PCNX2: variants seen among roughly 807,000 people sequenced by gnomAD.
PCNX2 encodes pecanex 2.
PCNX2 carries 168 observed loss-of-function variants against 223.8 expected under a neutral mutation model. That is an observed-to-expected ratio of 0.75 (90% confidence interval 0.66 to 0.85). The LOEUF (loss-of-function observed/expected upper bound fraction) is 0.85. Among genes scored for constraint, PCNX2 ranks in the 40% least tolerant of loss-of-function variants. The pLI is 0.00. For synonymous variants in PCNX2, 1,006 were observed against 1,052.6 expected (o/e 0.96, Z 0.86); for missense variants, 2,507 against 2,675.5 (o/e 0.94, Z 1.39).
intron 16 of PCNX2, 144 bp downstream of exon 16, chr1:233,178,922 T>C (rs1679638328): frequency 1.6e-6 from 1 of 609,988 alleles, no homozygotes; most frequent in Admixed American, 2.7e-5. Flanking sequence ...TTCCCTCCTC[T>C]AGTGAGTGAC....
intron 23 of PCNX2, among the ~76,000 whole-genome samples, chr1:233,079,969 T>TTC (rs1240590352): frequency 6.6e-6 from 1 of 152,168 alleles, no homozygotes; most frequent in Non-Finnish European, 1.5e-5. Context: ...CACCTTTTCT[T>TTC]TCTCTGGCTT....
In PCNX2 at chr1:233,295,434, G is replaced by T. The variant is rs1291145317; in HGVS notation, c.45C>A (p.Ala15=). 1.2e-5 allele frequency: 19 copies of T among 1,551,478 alleles called. No homozygotes were observed. The highest frequency in any genetic ancestry group is 2.0e-5 in the Admixed American group (1 of 51,020). Residue 15 remains alanine, a synonymous_variant, in exon 1 of 34, where the codon GCC becomes GCA. Coordinates refer to ENST00000258229, the MANE Select transcript of PCNX2 (RefSeq NM_014801.4). This position sits in a 1 kb window ranked among gnomAD's most constrained non-coding sequence, Gnocchi z 4.1. ...CGTGGTACCAGCCCCCGGTGAGCGC[G>T]GCCCACACGCCCTGCCGGAGCAGCT... ...VLQLLRQGVW[A]ALTGGWYHDP... is the part of the protein sequence containing the mutation.
chr1:233,041,212 A>G (rs1671633336), intron 25 of PCNX2, among the ~76,000 whole-genome samples: 1 of 152,220 alleles, frequency 6.6e-6, no homozygotes, highest in African/African-American at 2.4e-5. Context: ...GAGAAAAACC[A>G]CACAGTAATT....
intron 25 of PCNX2, among the ~76,000 whole-genome samples, chr1:233,051,005 T>A (rs890848500): frequency 4.0e-5 from 6 of 151,578 alleles, no homozygotes; most frequent in Non-Finnish European, 8.8e-5. Flanking sequence ...CATTAAAAAA[T>A]GGGTAAAAGA....
intron 19 of PCNX2, among the ~76,000 whole-genome samples, chr1:233,152,111 A>G (rs1487065775): frequency 6.6e-6 from 1 of 152,166 alleles, no homozygotes; most frequent in African/African-American, 2.4e-5. Context: ...CCAGAGTATG[A>G]GAGTGCCTGG....
At chr1:233,054,202 A>C (rs1672107803) in intron 25 of PCNX2, 66 bp downstream of exon 25, 4 of 1,444,816 alleles carry the variant, frequency 2.8e-6, no homozygotes, top group Middle Eastern at 1.8e-4. Flanking sequence ...TTCTTCCTAA[A>C]GTTTTGCTTG....
chr1:233,237,111 A>C, intron 8 of PCNX2, 131 bp from the exon 9 acceptor site: 1 of 1,165,134 alleles, frequency 8.6e-7, no homozygotes, highest in Non-Finnish European at 1.2e-6. Context: ...CCTTACATAA[A>C]CAGTTAAGAG....
chr1:233,184,932 T>C (rs925235626), intron 15 of PCNX2, among the ~76,000 whole-genome samples: 1 of 151,908 alleles, frequency 6.6e-6, no homozygotes, highest in Non-Finnish European at 1.5e-5. Context: ...CACACAACTC[T>C]TTCTCAGAAA....
intron 9 of PCNX2, among the ~76,000 whole-genome samples, chr1:233,229,816 C>G (rs1482264762): frequency 6.6e-6 from 1 of 151,512 alleles, no homozygotes; most frequent in African/African-American, 2.4e-5. Flanking sequence ...AAAAAACCTC[C>G]TCAAAAATTA....
At chr1:233,250,555 T>C (rs551133200) in intron 8 of PCNX2, 184 bp downstream of exon 8, 1 of 984,888 alleles carries the variant, frequency 1.0e-6, no homozygotes, top group South Asian at 4.7e-5. Context: ...ATGAAAATGG[T>C]TTCATTTATT....
chr1:233,289,273 C>G, intron 1 of PCNX2: 2 of 972,540 alleles, frequency 2.1e-6, no homozygotes, highest in Non-Finnish European at 3.4e-6. Flanking sequence ...ATTATGATAG[C>G]TTTCTGACCA....
chr1:233,086,918 G>T, intron 23 of PCNX2: 1 of 673,080 alleles, frequency 1.5e-6, no homozygotes. Context: ...CAAGCTGAGA[G>T]CTGTGTTTTA....
rs78317035 is a variant in PCNX2, at chr1:233,077,500, C to T, written c.4076+12561G>A. On this transcript the variant is annotated intron_variant, in intron 23 of 33. Coordinates refer to ENST00000258229, the MANE Select transcript of PCNX2 (RefSeq NM_014801.4). Reference sequence around the variant, plus strand: ...ACTATCAAGTGAGTGCTCTACTATTCTGCACTACTCCTAAAATTAGGCTTT... The same window carrying T: ...ACTATCAAGTGAGTGCTCTACTATTTTGCACTACTCCTAAAATTAGGCTTT... Among the ~76,000 whole-genome samples the T allele has an allele frequency of 7.5e-3, 1,146 of 152,220 alleles. 12 individuals carry two copies. The highest frequency in any genetic ancestry group is 0.01 in the Non-Finnish European group (698 of 68,008).
intron 21 of PCNX2, among the ~76,000 whole-genome samples, chr1:233,132,789 C>T (rs1200547651): frequency 6.6e-6 from 1 of 151,988 alleles, no homozygotes. Context: ...TATTATTTTC[C>T]ATTTTACAGG....
chr1:233,020,754 AATCTGAAGAGAG>A (rs1446093853), intron 26 of PCNX2, among the ~76,000 whole-genome samples: 1 of 152,196 alleles, frequency 6.6e-6, no homozygotes, highest in African/African-American at 2.4e-5. Context: ...AAACACTAAT[AATCTGAAGAGAG>A]ATGGAGGAGA....
At chr1:232,996,538 T>C (rs1278441592) in intron 32 of PCNX2, among the ~76,000 whole-genome samples, 1 of 152,178 alleles carries the variant, frequency 6.6e-6, no homozygotes, top group Non-Finnish European at 1.5e-5. Flanking sequence ...GGGGGAGATC[T>C]TTTTTCCTTT....
At chr1:233,199,276 T>C (rs1002361366) in intron 14 of PCNX2, among the ~76,000 whole-genome samples, 1 of 152,112 alleles carries the variant, frequency 6.6e-6, no homozygotes, top group African/African-American at 2.4e-5. Context: ...TAAAAGACCA[T>C]GTGAATGTGT....
chr1:233,054,303 A>T lies in PCNX2; in HGVS notation c.4316T>A (p.Leu1439His). The T allele has an allele frequency of 1.9e-6, 3 of 1,613,900 alleles. No homozygotes were observed. The highest frequency in any genetic ancestry group is 2.5e-6 in the Non-Finnish European group (3 of 1,179,850). ...CAGTCCTCGAAGTTGAAAGGTGACA[A>T]GACCATTTCCAATTTCAATCAGGTG... ...FVHLIEIGNG[L>H]VTFQLRGLEF... is the part of the protein sequence containing the mutation. Residue 1439 changes from leucine (L) to histidine (H), a missense_variant, in exon 25 of 34, where the codon CTT becomes CAT. Around this residue, in one of 3 missense-constraint regions of PCNX2, gnomAD observed 1,372 missense variants for 1,509.4 expected, o/e 0.91. Coordinates refer to ENST00000258229, the MANE Select transcript of PCNX2 (RefSeq NM_014801.4).
intron 25 of PCNX2, chr1:233,032,159 A>G (rs1572030470): frequency 1.3e-6 from 1 of 748,594 alleles, no homozygotes; most frequent in East Asian, 1.3e-4. Context: ...CTGGAGTGCA[A>G]TGGCGCGATC....
Sources: gnomAD v4.1 joint callset for allele counts (sites outside exome capture counted in the v4.1 genomes callset) on GRCh38, gnomAD v4.1.1 for gene constraint, gnomAD v4.1.1 regional missense constraint, Gnocchi (gnomAD v3.1) non-coding constraint, MANE v1.5 for transcripts, NCBI Gene and HGNC (gene_info 2026-07-23, HGNC 2026-07-21) for gene names.